Variants in GALNT18 observed in about 807,000 individuals in gnomAD.
The protein encoded by GALNT18 is GalNAc-transferase 18.
GALNT18 carries 44 observed loss-of-function variants against 69.5 expected under a neutral mutation model. The ratio of observed to expected loss-of-function variants is 0.63; its 90% confidence interval spans 0.50 to 0.81. GALNT18 has a LOEUF of 0.81. Ranked by LOEUF, GALNT18 falls within the 40% of genes least tolerant of loss-of-function variation. GALNT18 has a pLI of 0.00. For synonymous variants in GALNT18, 364 were observed against 318.2 expected (o/e 1.14, Z -1.53); for missense variants, 715 against 810.0 (o/e 0.88, Z 1.42).
chr11:11,423,362 T>C (rs989977685), intron 3 of GALNT18, among the ~76,000 whole-genome samples: 5 of 152,178 alleles, frequency 3.3e-5, no homozygotes, highest in African/African-American at 9.7e-5. Context: ...CACATGCACA[T>C]ACATGCACAC....
intron 1 of GALNT18, among the ~76,000 whole-genome samples, chr11:11,561,244 A>G (rs1858497626): frequency 6.6e-6 from 1 of 152,094 alleles, no homozygotes; most frequent in Non-Finnish European, 1.5e-5. Context: ...GAGCCTAGCC[A>G]CCTTCTCTTA....
chr11:11,465,699 C>T lies in GALNT18; in HGVS notation c.236-16763G>A, dbSNP rs532169077. 1.3e-5 allele frequency among the ~76,000 whole-genome samples: 2 copies of T among 152,236 alleles called. No individual in the cohort carries two copies. Among genetic ancestry groups the T allele is most frequent in the South Asian group, 2.1e-4 (1 of 4,808 alleles). On this transcript the variant is annotated intron_variant, in intron 1 of 10. Coordinates refer to ENST00000227756, the MANE Select transcript of GALNT18 (RefSeq NM_198516.3). The surrounding 1 kb of genome is among the most constrained non-coding windows in gnomAD (Gnocchi z 5.7). ...TCACCCACCTGTATAAGACATACCACGGTTAGCTCCTGGACCATGGACCTG... is the reference window on the plus strand; with the variant it reads ...TCACCCACCTGTATAAGACATACCATGGTTAGCTCCTGGACCATGGACCTG...
intron 1 of GALNT18, among the ~76,000 whole-genome samples, chr11:11,534,465 C>G (rs1179804534): frequency 6.6e-6 from 1 of 152,190 alleles, no homozygotes; most frequent in East Asian, 1.9e-4. Context: ...CATGCCAGAC[C>G]CTGTGCTGGA....
At chr11:11,330,504 G>C (rs192439177) in intron 8 of GALNT18, among the ~76,000 whole-genome samples, 2 of 152,306 alleles carry the variant, frequency 1.3e-5, no homozygotes, top group East Asian at 1.9e-4. Context: ...GCAGGAGGGA[G>C]GGGAGGCTGG....
intron 1 of GALNT18, among the ~76,000 whole-genome samples, chr11:11,525,835 T>C (rs1183674242): frequency 6.6e-6 from 1 of 151,922 alleles, no homozygotes; most frequent in Non-Finnish European, 1.5e-5. Context: ...GGTTTCTCCA[T>C]GTTGGTCAGG....
At chr11:11,276,688 G>C (rs551206872) in intron 10 of GALNT18, among the ~76,000 whole-genome samples, 1 of 152,038 alleles carries the variant, frequency 6.6e-6, no homozygotes, top group Admixed American at 6.5e-5. Context: ...ATGTTCCATC[G>C]ATACCTAGTT....
rs1365804046 is a variant in GALNT18, at chr11:11,591,840, C to T, written c.235+29519G>A. Among the ~76,000 whole-genome samples the T allele has an allele frequency of 6.6e-6, 1 of 152,106 alleles. No homozygotes were observed. The highest frequency in any genetic ancestry group is 1.9e-4 in the East Asian group (1 of 5,186). ...ACCTATAATCTTGAAAGCCAATACCCAGCTGTGATTAGATGTTATGAAGAT... is the reference window on the plus strand; with the variant it reads ...ACCTATAATCTTGAAAGCCAATACCTAGCTGTGATTAGATGTTATGAAGAT... On this transcript the variant is annotated intron_variant, in intron 1 of 10. Transcript: ENST00000227756. The surrounding 1 kb of genome is among the most constrained non-coding windows in gnomAD (Gnocchi z 4.8).
chr11:11,491,166 G>T (rs1386426), intron 1 of GALNT18, among the ~76,000 whole-genome samples: 38,734 of 152,120 alleles, frequency 0.25, 5,511 homozygotes, highest in Admixed American at 0.39. Context: ...ACATGAGGTG[G>T]CTCTTCATCA....
intron 1 of GALNT18, among the ~76,000 whole-genome samples, chr11:11,549,425 C>G (rs143207391): frequency 1.2e-4 from 18 of 152,352 alleles, no homozygotes; most frequent in African/African-American, 4.1e-4. Flanking sequence ...TAGGAATCTT[C>G]ATCTATATCA....
At position 11,448,757 on chromosome 11, in the gene GALNT18, G is replaced by A. The variant is rs1282511671; in HGVS notation, c.415C>T (p.Leu139Phe). 6.2e-7 allele frequency: 1 copy of A among 1,611,456 alleles called. No homozygotes were observed. Among genetic ancestry groups the A allele is most frequent in the Non-Finnish European group, 8.5e-7 (1 of 1,179,038 alleles). ...RLPLDRPLPDLRPSGCRNLSF... is the reference protein window; with the variant it reads ...RLPLDRPLPDFRPSGCRNLSF... ...GACTCTGCTCACCCACTGGGTCTGA[G>A]GTCAGGCAGGGGCCGGTCCAGGGGC... Residue 139 changes from leucine to phenylalanine, a missense_variant, in exon 2 of 11, where the codon CTC (leucine) becomes TTC (phenylalanine). Transcript: ENST00000227756.
chr11:11,467,348 A>T (rs1316361240), intron 1 of GALNT18, among the ~76,000 whole-genome samples: 1 of 152,220 alleles, frequency 6.6e-6, no homozygotes, highest in Non-Finnish European at 1.5e-5. Flanking sequence ...GTTCCGCTGC[A>T]GCTGCCACCC....
chr11:11,354,059 C>T (rs946165519), intron 6 of GALNT18, among the ~76,000 whole-genome samples: 1 of 152,168 alleles, frequency 6.6e-6, no homozygotes, highest in Non-Finnish European at 1.5e-5. Context: ...AAAGAGCTTC[C>T]CCTCTTAATC....
chr11:11,495,829 G>A (rs1221586415), intron 1 of GALNT18, among the ~76,000 whole-genome samples: 1 of 152,182 alleles, frequency 6.6e-6, no homozygotes, highest in Non-Finnish European at 1.5e-5. Context: ...CTAGAAACAT[G>A]CCAGAGCAGA....
Position 11,432,932 on chromosome 11 carries a change from A to G in GALNT18, c.429-145T>C, listed in dbSNP as rs1340023062. 2.8e-6 allele frequency: 2 copies of G among 702,304 alleles called. No homozygotes were observed. Among genetic ancestry groups the G allele is most frequent in the South Asian group, 1.9e-5 (1 of 52,456 alleles). 43.5% of individuals were successfully genotyped at this position (702,304 alleles called of 1,614,324 possible). ...GGGCCCCTTCTTTGATGCACTTAAG[A>G]TGAGCCCTAAATGTCCAGCAGAAAG... is the stretch of plus-strand genomic sequence containing the variant. On this transcript the variant is annotated intron_variant, in intron 2 of 10. Transcript: ENST00000227756. This position sits in a 1 kb window ranked among gnomAD's most constrained non-coding sequence, Gnocchi z 5.8.
At chr11:11,452,348 T>C (rs140441569) in intron 1 of GALNT18, among the ~76,000 whole-genome samples, 59 of 152,336 alleles carry the variant, frequency 3.9e-4, no homozygotes, top group African/African-American at 1.3e-3. Context: ...GCCTTCTTCA[T>C]AGAACATGTG....
At position 11,593,295 on chromosome 11, in the gene GALNT18, CT is replaced by C. The variant is rs201915003; in HGVS notation, c.235+28063del. On this transcript the variant is annotated intron_variant, in intron 1 of 10. Transcript: ENST00000227756. ...AACCCATACCACCCATTTACGTTGC[CT>C]GCCTAGCATTTCAGTTTGCGGACCC... 2.6e-5 allele frequency among the ~76,000 whole-genome samples: 4 copies of C among 152,280 alleles called. No homozygotes were observed. In the East Asian group the frequency reaches 7.7e-4, roughly 29 times the overall value.
rs896284120 is a variant in GALNT18, at chr11:11,618,689, T to G, written c.235+2670A>C. 3.3e-5 allele frequency among the ~76,000 whole-genome samples: 5 copies of G among 152,142 alleles called. No homozygotes were observed. The highest frequency in any genetic ancestry group is 1.2e-4 in the African/African-American group (5 of 41,426). On this transcript the variant is annotated intron_variant, in intron 1 of 10. Transcript: ENST00000227756. The surrounding 1 kb of genome is among the most constrained non-coding windows in gnomAD (Gnocchi z 6.1). Reference sequence around the variant, plus strand: ...GTGACCCTGGACAAATCATATACCCTCTCCCTGCCTCAGTTTCCATATCTG... The same window carrying G: ...GTGACCCTGGACAAATCATATACCCGCTCCCTGCCTCAGTTTCCATATCTG...
Position 11,592,757 on chromosome 11 carries a change from C to T in GALNT18, c.235+28602G>A, listed in dbSNP as rs1246929841. Among the ~76,000 whole-genome samples, 1 of 152,098 alleles carries T rather than the reference C, an allele frequency of 6.6e-6. No homozygotes were observed. Among genetic ancestry groups the T allele is most frequent in the Non-Finnish European group, 1.5e-5 (1 of 68,032 alleles). ...GGCTGATTTATTAGGCAGTCTGGGG[C>T]CCATACTGAAAATTTTTTGACATAT... On this transcript the variant is annotated intron_variant, in intron 1 of 10. Coordinates refer to ENST00000227756, the MANE Select transcript of GALNT18 (RefSeq NM_198516.3). The surrounding 1 kb of genome is among the most constrained non-coding windows in gnomAD (Gnocchi z 5.9).
rs374607125 is a variant in GALNT18 at position 11,427,052 on chromosome 11, T to G, written c.595+5569A>C. 2.0e-5 allele frequency among the ~76,000 whole-genome samples: 3 copies of G among 152,222 alleles called. No individual in the cohort carries two copies. The East Asian group carries it at 5.8e-4, about 29-fold the overall frequency. ...GCCTTGGCCTACCAAAGTGCTGGGA[T>G]TACAGGCATGAGCCACCACACACTG... is the stretch of plus-strand genomic sequence containing the variant. On this transcript the variant is annotated intron_variant, in intron 3 of 10. Coordinates refer to ENST00000227756, the MANE Select transcript of GALNT18 (RefSeq NM_198516.3).
Sources: allele counts gnomAD v4.1 joint callset (sites outside exome capture counted in the v4.1 genomes callset), GRCh38; gene constraint gnomAD v4.1.1; non-coding constraint Gnocchi (gnomAD v3.1); transcripts MANE v1.5; gene names NCBI Gene and HGNC (gene_info 2026-07-23, HGNC 2026-07-21).